Variants in IL17RE observed in about 807,000 individuals in gnomAD.
IL17RE encodes interleukin 17 receptor E.
IL17RE carries 47 observed loss-of-function variants against 70.7 expected under a neutral mutation model. The ratio of observed to expected loss-of-function variants is 0.67; its 90% CI spans 0.53 to 0.85. IL17RE has a LOEUF of 0.85. IL17RE is among the 40% of genes least tolerant of loss of function. IL17RE has a pLI of 0.00. For missense variants in IL17RE, 850 were observed against 893.9 expected (o/e 0.95, Z 0.63); for synonymous variants, 372 against 381.2 (o/e 0.98, Z 0.28).
Position 9,911,174 on chromosome 3 carries a change from G to A in IL17RE, c.1026G>A (p.Lys342=), listed in dbSNP as rs1402829951. 1.2e-6 allele frequency: 2 copies of A among 1,614,206 alleles called. No individual in the cohort carries two copies. The highest frequency in any genetic ancestry group is 3.3e-5 in the Admixed American group (2 of 60,014). ...KVDLHPQLCF[K]FSFGNSSHVE... ...ACCTGCACCCCCAGCTCTGCTTCAA[G>A]GTACAACCATGGGTAAGAAAAGATG... is the stretch of plus-strand genomic sequence containing the variant. The change falls in exon 10 of 16, where the codon AAG becomes AAA. Residue 342 remains lysine, a splice_region_variant and synonymous_variant. Coordinates refer to ENST00000383814, the MANE Select transcript of IL17RE (RefSeq NM_153480.2).
At position 9,906,466 on chromosome 3, in the gene IL17RE, T is replaced by C. The variant is rs749308836; in HGVS notation, c.366+5T>C. On this transcript the variant is annotated splice_donor_5th_base_variant and intron_variant, in intron 4 of 15. Transcript: ENST00000383814. The stretch of plus-strand genomic sequence containing the variant: ...AAGATGCCAGCACCTGCTCAGGTAC[T>C]CTCCCTGTCAGTTCCAGCCCTACCT... 1.9e-6 allele frequency: 3 copies of C among 1,601,414 alleles called. No individual in the cohort carries two copies. The highest frequency in any genetic ancestry group is 1.3e-5 in the African/African-American group (1 of 74,650).
chr3:9,902,847 T>C, upstream of IL17RE: 1 of 1,608,734 alleles, frequency 6.2e-7, no homozygotes, highest in South Asian at 1.1e-5. Context: ...CTGCTGGTAC[T>C]GTGTTCGCTG....
intron 8 of IL17RE, chr3:9,909,647 C>G (rs1204010495): frequency 4.5e-6 from 1 of 223,570 alleles, no homozygotes; most frequent in Non-Finnish European, 8.8e-6. Context: ...ATCTCAATAC[C>G]TGCTCTGCCT....
chr3:9,909,685 A>G (rs2082846082), intron 8 of IL17RE: 1 of 186,592 alleles, frequency 5.4e-6, no homozygotes, highest in African/African-American at 2.3e-5. Flanking sequence ...CCTGAGTTAA[A>G]TATTACATAT....
In IL17RE at chr3:9,906,390, C is replaced by T; in HGVS notation, c.295C>T (p.Leu99=). The T allele has an allele frequency of 6.2e-7, 1 of 1,614,008 alleles. No individual in the cohort carries two copies. The highest frequency in any genetic ancestry group is 1.3e-5 in the African/African-American group (1 of 75,038). ...TCTTCAACGGGGCCTCTTCCACCTC[C>T]TGGTGCAGAAATCCAAAAAGTCTTC... is the stretch of plus-strand genomic sequence containing the variant. ...SGLQRGLFHL[L]VQKSKKSSTF... is the part of the protein sequence containing the mutation. Residue 99 remains leucine (L), a synonymous_variant, in exon 4 of 16, where the codon CTG becomes TTG. Transcript: ENST00000383814.
chr3:9,908,423 G>A (rs1230151799), intron 7 of IL17RE, 116 bp downstream of exon 7: 2 of 853,052 alleles, frequency 2.3e-6, no homozygotes, highest in Non-Finnish European at 3.8e-6. Flanking sequence ...AGTGTTACTG[G>A]CATGCTTAGG....
At position 9,904,168 on chromosome 3, in the gene IL17RE, C is replaced by G. The variant is rs765191911; in HGVS notation, c.268+17C>G. Reference sequence around the variant, plus strand: ...GTGGCTCAGGTATGAGAAACAGCCCCTTGGGCCATTCTCAGTGAAGAGAAC... The same window carrying G: ...GTGGCTCAGGTATGAGAAACAGCCCGTTGGGCCATTCTCAGTGAAGAGAAC... On this transcript the variant is annotated intron_variant, in intron 3 of 15. Coordinates refer to ENST00000383814, the MANE Select transcript of IL17RE (RefSeq NM_153480.2). 2 of 1,613,368 alleles carry G rather than the reference C, an allele frequency of 1.2e-6. No homozygotes were observed. The highest frequency in any genetic ancestry group is 1.7e-4 in the Middle Eastern group (1 of 6,056).
rs545382296 is a variant in IL17RE at position 9,904,349 on chromosome 3, G to C, written c.268+198G>C. ...ACAATTTTATGAAGGTTTTTTTTCA[G>C]CTGAGATTCTTGGAATTAAAAGCTA... On this transcript the variant is annotated intron_variant, in intron 3 of 15. Coordinates refer to ENST00000383814, the MANE Select transcript of IL17RE (RefSeq NM_153480.2). 1.8e-4 allele frequency among the ~76,000 whole-genome samples: 27 copies of C among 152,006 alleles called. 1 individual carries two copies. In the East Asian group the frequency reaches 5.2e-3, roughly 29 times the overall value.
At chr3:9,913,367 G>A (rs183896049) in intron 12 of IL17RE, among the ~76,000 whole-genome samples, 16 of 151,864 alleles carry the variant, frequency 1.1e-4, no homozygotes, top group Non-Finnish European at 1.5e-4. Context: ...TTGCACCAGT[G>A]CACTCCAGCC....
Position 9,915,323 on chromosome 3 carries a change from CG to C in IL17RE, c.1521del (p.Leu508TrpfsTer15). 1 of 1,393,572 alleles carries C rather than the reference CG, an allele frequency of 7.2e-7. No homozygotes were observed. The highest frequency in any genetic ancestry group is 9.2e-7 in the Non-Finnish European group (1 of 1,081,762). 86.3% of individuals were successfully genotyped at this position (1,393,572 alleles called of 1,614,324 possible). On this transcript the variant is annotated frameshift_variant, in exon 16 of 16. Coordinates refer to ENST00000383814, the MANE Select transcript of IL17RE (RefSeq NM_153480.2). LOFTEE classifies it low-confidence loss of function (END_TRUNC). The surrounding 1 kb of genome is among the most constrained non-coding windows in gnomAD (Gnocchi z 4.9). ...GAGGCGCAGCGGCGCCTGGTGGGAG[CG>C]CTGGCTGAACTGCTACGGGCAGCGC... ...DSEAQRRLVGALAELLRAALG... is the reference protein window; with the variant it reads ...DSEAQRRLVGXLAELLRAALG...
chr3:9,914,337 G>C, intron 13 of IL17RE: 1 of 1,357,938 alleles, frequency 7.4e-7, no homozygotes, highest in Non-Finnish European at 9.7e-7. Context: ...TCAACTTTGA[G>C]TTTACTTTTT....
chr3:9,906,106 G>A (rs146107835), intron 3 of IL17RE, among the ~76,000 whole-genome samples: 9 of 151,788 alleles, frequency 5.9e-5, no homozygotes, highest in African/African-American at 1.5e-4. Context: ...AAAATTAGCC[G>A]GGCATGGTGG....
At chr3:9,903,435 T>C in intron 2 of IL17RE, 23 bp downstream of exon 2, 1 of 1,613,772 alleles carries the variant, frequency 6.2e-7, no homozygotes, top group Non-Finnish European at 8.5e-7. Context: ...TCCTGCCCCA[T>C]TGCTCCTCCC....
Position 9,915,665 on chromosome 3 carries a change from G to A in IL17RE, c.1862G>A (p.Arg621His). Reference sequence around the variant, plus strand: ...TACCGCCTGCTGCGCGACCTGCCGCGTCTGCTGCGGGCGCTGGACGCGCGG... The same window carrying A: ...TACCGCCTGCTGCGCGACCTGCCGCATCTGCTGCGGGCGCTGGACGCGCGG... ...PRYRLLRDLP[R>H]LLRALDARPF... The change falls in exon 16 of 16, where the codon CGT (arginine) becomes CAT (histidine). Residue 621 changes from arginine to histidine, a missense_variant. Physicochemically the swap from Arg to His is conservative, Grantham distance 29. Transcript: ENST00000383814. This position sits in a 1 kb window ranked among gnomAD's most constrained non-coding sequence, Gnocchi z 4.9. 1 of 1,395,580 alleles carries A rather than the reference G, an allele frequency of 7.2e-7. No homozygotes were observed. Among genetic ancestry groups the A allele is most frequent in the Non-Finnish European group, 9.2e-7 (1 of 1,083,788 alleles). 86.4% of individuals were successfully genotyped at this position (1,395,580 alleles called of 1,614,324 possible).
Position 9,908,249 on chromosome 3 carries a change from C to A in IL17RE, c.677C>A (p.Ser226Tyr). 6.2e-7 allele frequency: 1 copy of A among 1,614,118 alleles called. No individual in the cohort carries two copies. Among genetic ancestry groups the A allele is most frequent in the Admixed American group, 1.7e-5 (1 of 60,022 alleles). Residue 226 changes from serine to tyrosine, a missense_variant, in exon 7 of 16, where the codon TCT becomes TAT. Transcript: ENST00000383814. ...SSPYDVQKIV[S>Y]GGHTVELPYE... The stretch of plus-strand genomic sequence containing the variant: ...CTGTTTCATCCACAGAAAATTGTGT[C>A]TGGGGGCCACACTGTAGAGCTGCCT...
Position 9,914,444 on chromosome 3 carries a change from C to A in IL17RE, c.1297-104C>A, listed in dbSNP as rs9810681. On this transcript the variant is annotated intron_variant, in intron 13 of 15. Transcript: ENST00000383814. ...ACACAAACCCACCTGGGAAGAATTC[C>A]CTAGCCAGTGGGGACTCCCCTCTCC... 7.4e-3 allele frequency: 11,444 copies of A among 1,552,098 alleles called. 715 individuals carry two copies. The African/African-American group carries it at 0.14, about 18-fold the overall frequency.
At chr3:9,903,539 G>T in intron 2 of IL17RE, 127 bp downstream of exon 2, 1 of 1,023,124 alleles carries the variant, frequency 9.8e-7, no homozygotes, top group Non-Finnish European at 1.5e-6. Context: ...GAAAAATTTG[G>T]AATCATGACA....
Position 9,915,188 on chromosome 3 carries a change from G to A in IL17RE, c.1448-63G>A, listed in dbSNP as rs1310609201. 2 of 1,343,588 alleles carry A rather than the reference G, an allele frequency of 1.5e-6. No individual in the cohort carries two copies. The highest frequency in any genetic ancestry group is 2.8e-4 in the Middle Eastern group (1 of 3,570). 83.2% of individuals were successfully genotyped at this position (1,343,588 alleles called of 1,614,324 possible). ...CACCCTACGGTATCCCGAGAGGGTG[G>A]GGAGAAGAGGGCTGAGCAGTCCCTC... On this transcript the variant is annotated intron_variant, in intron 15 of 15. Coordinates refer to ENST00000383814, the MANE Select transcript of IL17RE (RefSeq NM_153480.2). The surrounding 1 kb of genome is among the most constrained non-coding windows in gnomAD (Gnocchi z 4.9).
At chr3:9,904,243 A>G in intron 3 of IL17RE, 92 bp downstream of exon 3, 4 of 1,462,682 alleles carry the variant, frequency 2.7e-6, no homozygotes, top group Admixed American at 1.7e-5. Context: ...TAGAACAGAT[A>G]TTTGTCTTGT....
Sources: gnomAD v4.1 joint callset for allele counts (sites outside exome capture counted in the v4.1 genomes callset) on GRCh38, gnomAD v4.1.1 for gene constraint, Gnocchi (gnomAD v3.1) non-coding constraint, MANE v1.5 for transcripts, NCBI Gene and HGNC (gene_info 2026-07-23, HGNC 2026-07-21) for gene names.